Variants in LNPEP observed in about 807,000 individuals in gnomAD.
LNPEP encodes the protein leucyl and cystinyl aminopeptidase.
Under a neutral mutation model 120.6 loss-of-function variants are expected in LNPEP, and 64 were observed. That is an observed-to-expected ratio of 0.53 (90% confidence interval 0.43 to 0.65). The LOEUF (loss-of-function observed/expected upper bound fraction) is 0.65. Among genes scored for constraint, LNPEP ranks in the 30% least tolerant of loss-of-function variants. The pLI is 0.00. For synonymous variants in LNPEP, 435 were observed against 425.4 expected, an observed-to-expected ratio of 1.02 and a Z score of -0.28; for missense variants, 1,057 against 1,200.0, an observed-to-expected ratio of 0.88 and a Z score of 1.76.
chr5:96,938,865 G>A (rs569566681), intron 1 of LNPEP, among the ~76,000 whole-genome samples: 25 of 152,122 alleles, frequency 1.6e-4, no homozygotes, highest in African/African-American at 5.8e-4. Flanking sequence ...GATCTTTGGT[G>A]GCTTTTTTTA....
intron 1 of LNPEP, among the ~76,000 whole-genome samples, chr5:96,972,237 C>A (rs1487170239): frequency 6.6e-6 from 1 of 151,912 alleles, no homozygotes; most frequent in African/African-American, 2.4e-5. Context: ...TCCTTAAATA[C>A]TTTTTCCCCT....
intron 8 of LNPEP, 129 bp downstream of exon 8, chr5:96,998,274 A>C: frequency 1.3e-6 from 1 of 741,586 alleles, no homozygotes; most frequent in Non-Finnish European, 2.1e-6. Context: ...GTAAACTATA[A>C]AATGTTTGCT....
In LNPEP at chr5:97,016,224, T is replaced by G. The variant is rs190971803; in HGVS notation, c.2376+1129T>G. Among the ~76,000 whole-genome samples, 24 of 152,304 alleles carry G rather than the reference T, an allele frequency of 1.6e-4. No homozygotes were observed. In the East Asian group the frequency reaches 4.0e-3, roughly 26 times the overall value. Reference sequence around the variant, plus strand: ...GTTAAGATTTTTATCATTTTCTATTTCATAAGGCTTTCAGCTAGCAGCCTT... The same window carrying G: ...GTTAAGATTTTTATCATTTTCTATTGCATAAGGCTTTCAGCTAGCAGCCTT... On this transcript the variant is annotated intron_variant, in intron 13 of 17. Coordinates refer to ENST00000231368, the MANE Select transcript of LNPEP (RefSeq NM_005575.3).
chr5:97,014,843 A>G, intron 12 of LNPEP, 96 bp from the exon 13 acceptor site: 1 of 870,116 alleles, frequency 1.1e-6, no homozygotes, highest in East Asian at 3.0e-5. Flanking sequence ...TTGGTCTCCA[A>G]GACTCACCAT....
intron 12 of LNPEP, 70 bp downstream of exon 12, chr5:97,013,901 A>C: frequency 8.6e-7 from 1 of 1,168,956 alleles, no homozygotes; most frequent in Non-Finnish European, 1.2e-6. Flanking sequence ...AACATATATG[A>C]AAAACAGTTT....
intron 9 of LNPEP, among the ~76,000 whole-genome samples, chr5:97,004,912 T>A (rs27397): frequency 5.9e-5 from 9 of 151,956 alleles, no homozygotes; most frequent in East Asian, 5.8e-4. Context: ...TATTTCTGCC[T>A]TTCTCATTGA....
At chr5:97,024,759 T>G in intron 15 of LNPEP, 77 bp downstream of exon 15, 1 of 1,329,872 alleles carries the variant, frequency 7.5e-7, no homozygotes, top group East Asian at 2.3e-5. Flanking sequence ...GGAGCTCATT[T>G]TTGAGGGGAT....
intron 1 of LNPEP, among the ~76,000 whole-genome samples, chr5:96,953,085 C>CG (rs1328774385): frequency 1.3e-5 from 2 of 152,102 alleles, no homozygotes; most frequent in African/African-American, 4.8e-5. Context: ...AGCTTTGCCC[C>CG]GGGCCTAACC....
intron 1 of LNPEP, among the ~76,000 whole-genome samples, chr5:96,965,257 A>T (rs1327690841): frequency 6.6e-6 from 1 of 151,998 alleles, no homozygotes; most frequent in Non-Finnish European, 1.5e-5. Flanking sequence ...CACTAATTAG[A>T]GTTCTTCATC....
chr5:97,007,017 G>C (rs1057328005), intron 11 of LNPEP, among the ~76,000 whole-genome samples: 1 of 152,120 alleles, frequency 6.6e-6, no homozygotes, highest in Non-Finnish European at 1.5e-5. Flanking sequence ...TGATAGGAAG[G>C]GGGAGGGGAA....
chr5:97,020,460 T>C (rs1289734607), intron 13 of LNPEP, among the ~76,000 whole-genome samples: 1 of 152,148 alleles, frequency 6.6e-6, no homozygotes, highest in East Asian at 1.9e-4. Flanking sequence ...ATCTGTTGAA[T>C]TTTTTTCATT....
At chr5:97,019,404 C>T (rs1041474275) in intron 13 of LNPEP, among the ~76,000 whole-genome samples, 1 of 151,952 alleles carries the variant, frequency 6.6e-6, no homozygotes. Context: ...TAAAAATAAA[C>T]CTGGATTACT....
chr5:96,951,149 A>G (rs1046575031), intron 1 of LNPEP, among the ~76,000 whole-genome samples: 2 of 152,020 alleles, frequency 1.3e-5, no homozygotes, highest in East Asian at 1.9e-4. Flanking sequence ...AAGGACACCA[A>G]TCCTATTGGA....
chr5:96,961,194 A>G (rs1561432634), intron 1 of LNPEP, among the ~76,000 whole-genome samples: 1 of 152,192 alleles, frequency 6.6e-6, no homozygotes, highest in Non-Finnish European at 1.5e-5. Flanking sequence ...AACAAAAAAA[A>G]ACTGTCTACC....
At chr5:97,010,540 G>A (rs1790901133) in intron 11 of LNPEP, 4 of 985,116 alleles carry the variant, frequency 4.1e-6, no homozygotes, top group Non-Finnish European at 4.8e-6. Context: ...GGAGCAAACT[G>A]TACAGGAAAT....
At chr5:96,996,919 T>A (rs1033015038) in intron 7 of LNPEP, among the ~76,000 whole-genome samples, 1 of 152,108 alleles carries the variant, frequency 6.6e-6, no homozygotes, top group African/African-American at 2.4e-5. Flanking sequence ...TTTATAGCAA[T>A]ACTGTTTCTC....
At chr5:96,972,977 TGA>T (rs1038560314) in intron 1 of LNPEP, among the ~76,000 whole-genome samples, 1 of 152,098 alleles carries the variant, frequency 6.6e-6, no homozygotes. Context: ...AAAGGTGTTG[TGA>T]AAAAGCACAA....
chr5:96,961,414 T>C (rs952370668), intron 1 of LNPEP, among the ~76,000 whole-genome samples: 1 of 152,324 alleles, frequency 6.6e-6, no homozygotes, highest in South Asian at 2.1e-4. Flanking sequence ...TTGGTTCCTG[T>C]CATTTTTACT....
Position 96,979,727 on chromosome 5 carries a change from C to T in LNPEP, c.609C>T (p.Val203=). 1 of 1,614,028 alleles carries T rather than the reference C, an allele frequency of 6.2e-7. No homozygotes were observed. The change falls in exon 2 of 18, where the codon GTC becomes GTT. Residue 203 remains valine, a synonymous_variant. Transcript: ENST00000231368. ...SVTISVQALQ[V]TWNIILHSTG... is the part of the protein sequence containing the mutation. ...CAATTTCAGTTCAGGCTCTTCAGGT[C>T]ACATGGAATATCATTCTTCATAGCA...
Sources: gnomAD v4.1 joint callset for allele counts (sites outside exome capture counted in the v4.1 genomes callset) on GRCh38, gnomAD v4.1.1 for gene constraint, MANE v1.5 for transcripts, NCBI Gene and HGNC (gene_info 2026-07-23, HGNC 2026-07-21) for gene names.